COL26A1: variants seen among roughly 807,000 people sequenced by gnomAD.
COL26A1 encodes the protein collagen alpha-1(XXVI) chain.
A neutral mutation model predicts 59.3 loss-of-function variants in COL26A1; 41 were observed. That is an observed-to-expected ratio of 0.69 (90% CI 0.54 to 0.90). COL26A1 has a LOEUF of 0.90. Ranked by LOEUF, COL26A1 falls within the 40% of genes least tolerant of loss-of-function variation. COL26A1 has a pLI of 0.00. For missense variants in COL26A1, 612 were observed against 602.3 expected (o/e 1.02, Z -0.17); for synonymous variants, 266 against 256.0 (o/e 1.04, Z -0.37).
chr7:101,415,436 G>A (rs888485770), intron 1 of COL26A1, among the ~76,000 whole-genome samples: 6 of 152,152 alleles, frequency 3.9e-5, no homozygotes, highest in South Asian at 2.1e-4. Flanking sequence ...TTACAGGCGT[G>A]AGCCACTGTG....
chr7:101,522,046 G>A (rs1795150637), intron 3 of COL26A1, among the ~76,000 whole-genome samples: 1 of 152,110 alleles, frequency 6.6e-6, no homozygotes, highest in African/African-American at 2.4e-5. Flanking sequence ...CTAATTTTGG[G>A]TTATTCTGAG....
At chr7:101,362,755 G>A, upstream of COL26A1, 1 of 482,978 alleles carries the variant, frequency 2.1e-6, no homozygotes, top group Non-Finnish European at 3.6e-6. Context: ...TAGCTCTGCC[G>A]CCACTGCCGC....
intron 2 of COL26A1, among the ~76,000 whole-genome samples, chr7:101,423,453 G>C (rs548627514): frequency 3.3e-5 from 5 of 151,764 alleles, no homozygotes; most frequent in Admixed American, 3.3e-4. Flanking sequence ...GCTGGGGTCC[G>C]GCCCGGCGTG....
At chr7:101,395,351 C>T (rs1791831651) in intron 1 of COL26A1, among the ~76,000 whole-genome samples, 1 of 152,222 alleles carries the variant, frequency 6.6e-6, no homozygotes, top group South Asian at 2.1e-4. Flanking sequence ...GAGTCTCCAG[C>T]TTTTTCATGT....
chr7:101,504,339 G>A (rs1794763523), intron 3 of COL26A1, among the ~76,000 whole-genome samples: 1 of 152,112 alleles, frequency 6.6e-6, no homozygotes, highest in African/African-American at 2.4e-5. Flanking sequence ...GACCTCAAAT[G>A]ATCTGCTCGC....
At chr7:101,515,318 ACT>A (rs759777686) in intron 3 of COL26A1, among the ~76,000 whole-genome samples, 4 of 151,382 alleles carry the variant, frequency 2.6e-5, no homozygotes, top group Non-Finnish European at 5.9e-5. Context: ...CTCAACAGAG[ACT>A]CTGTTGCCCA....
At chr7:101,531,822 G>A (rs1271722854) in intron 3 of COL26A1, among the ~76,000 whole-genome samples, 1 of 151,674 alleles carries the variant, frequency 6.6e-6, no homozygotes, top group Non-Finnish European at 1.5e-5. Flanking sequence ...ATTTGCGTTC[G>A]ATGACAAAGA....
chr7:101,534,447 C>A (rs2130642750), intron 4 of COL26A1, among the ~76,000 whole-genome samples: 1 of 152,230 alleles, frequency 6.6e-6, no homozygotes, highest in African/African-American at 2.4e-5. Flanking sequence ...CACACATAGG[C>A]ACCTGTGCAC....
intron 2 of COL26A1, among the ~76,000 whole-genome samples, chr7:101,435,538 C>T (rs958469614): frequency 5.9e-5 from 9 of 152,210 alleles, no homozygotes; most frequent in Non-Finnish European, 1.2e-4. Context: ...ACCCCCCCAC[C>T]TTCCTCTGGA....
intron 1 of COL26A1, among the ~76,000 whole-genome samples, chr7:101,363,439 C>T (rs1250966653): frequency 9.7e-6 from 1 of 102,692 alleles, no homozygotes; most frequent in Non-Finnish European, 1.9e-5. Context: ...GCAGGGGACA[C>T]GGGGCAACTG....
intron 3 of COL26A1, among the ~76,000 whole-genome samples, chr7:101,497,539 G>C (rs897030928): frequency 6.6e-6 from 1 of 151,040 alleles, no homozygotes; most frequent in Non-Finnish European, 1.5e-5. Context: ...GGCCAGGTGT[G>C]GTGGTGCATG....
At chr7:101,389,958 C>A (rs1791687939) in intron 1 of COL26A1, among the ~76,000 whole-genome samples, 1 of 151,928 alleles carries the variant, frequency 6.6e-6, no homozygotes, top group Non-Finnish European at 1.5e-5. Flanking sequence ...CTGTGAGTTG[C>A]CTTTTCACTC....
intron 3 of COL26A1, among the ~76,000 whole-genome samples, chr7:101,486,656 C>T (rs1209764149): frequency 6.6e-6 from 1 of 152,262 alleles, no homozygotes; most frequent in Non-Finnish European, 1.5e-5. Context: ...TGTTAATCCA[C>T]ATCCCGGTGG....
chr7:101,494,191 G>C (rs1243115583), intron 3 of COL26A1, among the ~76,000 whole-genome samples: 3 of 145,542 alleles, frequency 2.1e-5, no homozygotes, highest in Non-Finnish European at 3.0e-5. Context: ...GAGTGCAGTG[G>C]TGTTAGCTCA....
At chr7:101,501,201 AGAAAAGAAAAG>A (rs376467668) in intron 3 of COL26A1, among the ~76,000 whole-genome samples, 2 of 124,724 alleles carry the variant, frequency 1.6e-5, no homozygotes, top group Non-Finnish European at 3.5e-5. Flanking sequence ...AAAAAAAAAA[AGAAAAGAAAAG>A]AAAAGAAAAA....
chr7:101,438,273 A>T lies in COL26A1; in HGVS notation c.282-9411A>T, dbSNP rs142997170. On this transcript the variant is annotated intron_variant, in intron 2 of 12. Transcript: ENST00000313669. ...CTACTCGGGAGACTGAGGCAGGAGA[A>T]TCACTTAAACCTGGAAGGTGGAGGC... Among the ~76,000 whole-genome samples, 451 of 151,732 alleles carry T rather than the reference A, an allele frequency of 3.0e-3. 4 individuals carry two copies. The highest frequency in any genetic ancestry group is 0.01 in the African/African-American group (432 of 41,508).
chr7:101,552,486 G>A (rs1233653545), intron 10 of COL26A1, among the ~76,000 whole-genome samples: 13 of 152,162 alleles, frequency 8.5e-5, no homozygotes, highest in Admixed American at 8.5e-4. Flanking sequence ...TTGTGGTGGT[G>A]CGTGCCCATA....
chr7:101,426,704 A>G (rs1407984513), intron 2 of COL26A1, among the ~76,000 whole-genome samples: 1 of 152,036 alleles, frequency 6.6e-6, no homozygotes, highest in Admixed American at 6.6e-5. Flanking sequence ...TTGGAAGGGG[A>G]TGTGAGGTTT....
intron 3 of COL26A1, among the ~76,000 whole-genome samples, chr7:101,488,705 C>T (rs758502791): frequency 2.0e-5 from 3 of 152,072 alleles, no homozygotes; most frequent in Non-Finnish European, 2.9e-5. Context: ...TCAATTCAGC[C>T]GTGTTAGGTA....
Sources: allele counts gnomAD v4.1 joint callset (sites outside exome capture counted in the v4.1 genomes callset), GRCh38; gene constraint gnomAD v4.1.1; transcripts MANE v1.5; gene names NCBI Gene and HGNC (gene_info 2026-07-23, HGNC 2026-07-21).